The following LOXHD1 variants were observed in gnomAD, a reference collection of about 807,000 sequenced individuals.
LOXHD1 encodes lipoxygenase homology PLAT domains 1.
A neutral mutation model predicts 248.2 loss-of-function variants in LOXHD1; 205 were observed. That is an observed-to-expected ratio of 0.83 (90% CI 0.74 to 0.93). LOXHD1 has a LOEUF of 0.93. LOXHD1 is among the 40% of genes least tolerant of loss of function. LOXHD1 has a pLI of 0.00. For missense variants in LOXHD1, 2,930 were observed against 2,971.6 expected (o/e 0.99, Z 0.33); for synonymous variants, 1,113 against 1,162.8 (o/e 0.96, Z 0.87).
Position 46,563,162 on chromosome 18 carries a change from A to C in LOXHD1, c.2501T>G (p.Val834Gly). 2 of 1,535,346 alleles carry C rather than the reference A, an allele frequency of 1.3e-6. No individual in the cohort carries two copies. Among genetic ancestry groups the C allele is most frequent in the Non-Finnish European group, 1.8e-6 (2 of 1,133,410 alleles). The change falls in exon 18 of 41, where the codon GTC (valine) becomes GGC (glycine). Residue 834 changes from valine to glycine, a missense_variant. Coordinates refer to ENST00000642948, the MANE Select transcript of LOXHD1 (RefSeq NM_001384474.1). ...DVGGAGTSARVYMQIYGEKGK... is the reference protein window; with the variant it reads ...DVGGAGTSARGYMQIYGEKGK... ...TTTCTCTCCATAGATCTGCATGTAG[A>C]CTCGGGCACTGGTGCCTGCGCCACC...
intron 37 of LOXHD1, among the ~76,000 whole-genome samples, chr18:46,491,707 T>G (rs2033490283): frequency 6.6e-6 from 1 of 152,124 alleles, no homozygotes; most frequent in Non-Finnish European, 1.5e-5. Flanking sequence ...CACTACACAA[T>G]TACACTTTCC....
At chr18:46,633,964 T>C (rs1168894853) in intron 4 of LOXHD1, among the ~76,000 whole-genome samples, 1 of 152,236 alleles carries the variant, frequency 6.6e-6, no homozygotes, top group Admixed American at 6.5e-5. Context: ...GGTCAGGATC[T>C]GGAGAAATTA....
intron 37 of LOXHD1, among the ~76,000 whole-genome samples, chr18:46,490,721 C>T (rs1185670901): frequency 1.3e-5 from 2 of 152,176 alleles, no homozygotes; most frequent in Non-Finnish European, 2.9e-5. Flanking sequence ...GTGATCCACC[C>T]GCCTCAGCCT....
At chr18:46,654,297 T>C (rs2039151312) in intron 1 of LOXHD1, among the ~76,000 whole-genome samples, 1 of 152,222 alleles carries the variant, frequency 6.6e-6, no homozygotes, top group Non-Finnish European at 1.5e-5. Context: ...AGAGAAATCA[T>C]TGCTATCATT....
At position 46,541,771 on chromosome 18, in the gene LOXHD1, C is replaced by A; in HGVS notation, c.3913+5G>T. The A allele has an allele frequency of 6.4e-7, 1 of 1,551,666 alleles. No homozygotes were observed. Among genetic ancestry groups the A allele is most frequent in the Non-Finnish European group, 8.7e-7 (1 of 1,146,978 alleles). ...AGGGCTGGCCTTGCCGTGTGTGGTT[C>A]CTACATGGTGTGTACAGCCTCGTCT... is the stretch of plus-strand genomic sequence containing the variant. On this transcript the variant is annotated splice_donor_5th_base_variant and intron_variant, in intron 25 of 40. Transcript: ENST00000642948.
chr18:46,607,954 G>A (rs1022133557), intron 6 of LOXHD1, among the ~76,000 whole-genome samples: 1 of 151,024 alleles, frequency 6.6e-6, no homozygotes, highest in African/African-American at 2.4e-5. Context: ...ACAAATAAAT[G>A]AATAAACAAA....
At chr18:46,636,460 C>T (rs900628393) in intron 4 of LOXHD1, among the ~76,000 whole-genome samples, 13 of 152,226 alleles carry the variant, frequency 8.5e-5, no homozygotes, top group Non-Finnish European at 1.6e-4. Flanking sequence ...GTTCCCTCCA[C>T]TCGACGAGGA....
chr18:46,572,798 T>C (rs1010774927), intron 14 of LOXHD1, among the ~76,000 whole-genome samples: 1 of 150,904 alleles, frequency 6.6e-6, no homozygotes, highest in Non-Finnish European at 1.5e-5. Context: ...GCCAGGCGGG[T>C]GGATCACGAG....
chr18:46,557,823 A>G (rs2037405027), intron 20 of LOXHD1: 1 of 1,287,994 alleles, frequency 7.8e-7, no homozygotes, highest in South Asian at 1.9e-5. Context: ...TGTGCAAGAG[A>G]GGGGGGTGCA....
At chr18:46,630,611 T>C (rs1436265785) in intron 4 of LOXHD1, among the ~76,000 whole-genome samples, 2 of 152,102 alleles carry the variant, frequency 1.3e-5, no homozygotes, top group Middle Eastern at 3.2e-3. Context: ...TACTGCCCCA[T>C]AGGGAAGGCA....
At chr18:46,649,012 G>T in intron 2 of LOXHD1, 143 bp downstream of exon 2, 1 of 695,712 alleles carries the variant, frequency 1.4e-6, no homozygotes, top group South Asian at 1.7e-5. Flanking sequence ...TACACGGTCT[G>T]TCATTAGCAG....
At chr18:46,595,363 C>T (rs559078056) in intron 8 of LOXHD1, among the ~76,000 whole-genome samples, 7 of 152,272 alleles carry the variant, frequency 4.6e-5, no homozygotes, top group Admixed American at 2.0e-4. Flanking sequence ...CAGAGAAATG[C>T]TCCTCCCTAG....
rs991442483 is a variant in LOXHD1 at position 46,517,979 on chromosome 18, G to A, written c.5399+150C>T. ...TTTGAGCTGGCCCTTGAAAGAGAAA[G>A]GTACTGAGACAGAATAGACAAAGGC... On this transcript the variant is annotated intron_variant, in intron 34 of 40. Coordinates refer to ENST00000642948, the MANE Select transcript of LOXHD1 (RefSeq NM_001384474.1). The A allele has an allele frequency of 6.4e-6, 6 of 934,540 alleles. No individual in the cohort carries two copies. In the African/African-American group the frequency reaches 6.5e-5, roughly 10 times the overall value. 57.9% of individuals were successfully genotyped at this position (934,540 alleles called of 1,614,324 possible).
chr18:46,489,939 G>T (rs114663985), intron 37 of LOXHD1, among the ~76,000 whole-genome samples: 1 of 152,224 alleles, frequency 6.6e-6, no homozygotes, highest in Non-Finnish European at 1.5e-5. Context: ...TTTCTTTTGG[G>T]TATGTTGCTA....
chr18:46,573,022 C>CAAAAAAAAA (rs71162809), intron 14 of LOXHD1, among the ~76,000 whole-genome samples: 11 of 57,388 alleles, frequency 1.9e-4, no homozygotes, highest in Admixed American at 4.7e-4. Flanking sequence ...GACTCCGTCT[C>CAAAAAAAAA]AAAAAAAAAA....
chr18:46,560,077 A>AACCC lies in LOXHD1; in HGVS notation c.3061+5_3061+6insGGGT. 1 of 159,828 alleles carries AACCC rather than the reference A, an allele frequency of 6.3e-6. No homozygotes were observed. The highest frequency in any genetic ancestry group is 1.6e-4 in the African/African-American group (1 of 6,376). The allele number at this position is 159,828 out of a possible 1,614,324, so 9.9% of individuals were successfully genotyped here. A position where few individuals can be genotyped will look rare whatever the true frequency, so the allele number is the denominator to read the frequency against. ...TCCCCACCCCCACCCCCCACGACCC[A>AACCC]CTTACGCTCAGGACCCGGCTTGCCA... On this transcript the variant is annotated splice_donor_region_variant and intron_variant, in intron 19 of 40. Coordinates refer to ENST00000642948, the MANE Select transcript of LOXHD1 (RefSeq NM_001384474.1).
intron 26 of LOXHD1, among the ~76,000 whole-genome samples, chr18:46,535,763 G>T (rs1463752464): frequency 2.6e-5 from 4 of 152,140 alleles, no homozygotes; most frequent in Non-Finnish European, 5.9e-5. Context: ...TAGAGACAGG[G>T]TTTCACCATG....
chr18:46,538,493 A>G (rs750768912), intron 25 of LOXHD1, among the ~76,000 whole-genome samples, 156 bp from the exon 26 acceptor site: 3 of 152,156 alleles, frequency 2.0e-5, no homozygotes, highest in African/African-American at 7.2e-5. Context: ...GACCTTCACA[A>G]GGTTGCCTAG....
intron 4 of LOXHD1, among the ~76,000 whole-genome samples, chr18:46,635,360 G>T (rs1599065738): frequency 6.6e-6 from 1 of 152,144 alleles, no homozygotes; most frequent in Admixed American, 6.5e-5. Flanking sequence ...ACAATCACAG[G>T]CTCTGACCTC....
Sources: allele counts gnomAD v4.1 joint callset (sites outside exome capture counted in the v4.1 genomes callset), GRCh38; gene constraint gnomAD v4.1.1; transcripts MANE v1.5; gene names NCBI Gene and HGNC (gene_info 2026-07-23, HGNC 2026-07-21).